EGF: variants seen among roughly 807,000 people sequenced by gnomAD.
EGF encodes the protein epidermal growth factor, also known as pro-epidermal growth factor.
EGF carries 95 observed loss-of-function variants against 143.8 expected under a neutral mutation model. The observed-to-expected ratio is 0.66, with a 90% confidence interval of 0.56 to 0.78. The LOEUF (loss-of-function observed/expected upper bound fraction) is 0.78. EGF is among the 30% of genes least tolerant of loss of function. EGF has a pLI of 0.00. For missense variants in EGF, 1,320 were observed against 1,470.9 expected, an observed-to-expected ratio of 0.90 and a Z score of 1.68; for synonymous variants, 510 against 510.5, an observed-to-expected ratio of 1.00 and a Z score of 0.01.
chr4:110,005,036 C>CTTTTTTTTTTTTTTTTTTTTTT (rs538062029), intron 22 of EGF, among the ~76,000 whole-genome samples: 2 of 80,696 alleles, frequency 2.5e-5, no homozygotes, highest in African/African-American at 4.4e-5. Flanking sequence ...TTTTCTCTGT[C>CTTTTTTTTTTTTTTTTTTTTTT]TTTTTTTTTT....
At chr4:110,007,646 A>G (rs191431531) in intron 22 of EGF, among the ~76,000 whole-genome samples, 154 of 152,298 alleles carry the variant, frequency 1.0e-3, no homozygotes, top group Admixed American at 4.6e-4. Context: ...AGGCTGTTCA[A>G]CCAGCTTGCA....
chr4:109,998,695 T>C (rs1752150102), intron 20 of EGF, among the ~76,000 whole-genome samples: 2 of 152,332 alleles, frequency 1.3e-5, no homozygotes, highest in South Asian at 4.1e-4. Flanking sequence ...TGGAGCTTTG[T>C]CCAGTGTTTT....
chr4:109,961,318 G>C (rs971956212), intron 7 of EGF, among the ~76,000 whole-genome samples: 15 of 152,228 alleles, frequency 9.9e-5, no homozygotes, highest in African/African-American at 3.6e-4. Flanking sequence ...TCAAGCCACT[G>C]CCCTTCCTGG....
chr4:109,977,338 T>C (rs1748658782), intron 13 of EGF: 1 of 152,190 alleles, frequency 6.6e-6, no homozygotes, highest in Non-Finnish European at 1.5e-5. Flanking sequence ...TTTAAAATTT[T>C]ATGTATTTAT....
At chr4:109,985,782 TC>T (rs1750035916) in intron 16 of EGF, among the ~76,000 whole-genome samples, 1 of 152,232 alleles carries the variant, frequency 6.6e-6, no homozygotes, top group Admixed American at 6.5e-5. Context: ...GCCCTATTCT[TC>T]ACCACTGTAT....
At chr4:109,973,902 T>A (rs11568987) in intron 11 of EGF, among the ~76,000 whole-genome samples, 1,624 of 152,312 alleles carry the variant, frequency 0.011, 11 homozygotes, top group Admixed American at 0.015. Context: ...GATTAGCAAG[T>A]AATATTTCAG....
At chr4:109,924,027 CA>C (rs1418593795) in intron 1 of EGF, among the ~76,000 whole-genome samples, 1 of 151,678 alleles carries the variant, frequency 6.6e-6, no homozygotes, top group Non-Finnish European at 1.5e-5. Context: ...GAATTTACTA[CA>C]AGTTTAAGCC....
intron 1 of EGF, among the ~76,000 whole-genome samples, chr4:109,925,252 C>T (rs1560631747): frequency 6.6e-6 from 1 of 152,102 alleles, no homozygotes; most frequent in African/African-American, 2.4e-5. Context: ...CCTTTGTAAA[C>T]AAATACTGCT....
intron 4 of EGF, 115 bp from the exon 5 acceptor site, chr4:109,944,958 C>A: frequency 2.8e-6 from 3 of 1,083,354 alleles, no homozygotes; most frequent in Non-Finnish European, 4.1e-6. Context: ...AAATGAGAAA[C>A]AATTGAAAAC....
chr4:109,917,406 A>C (rs1736856075), intron 1 of EGF, among the ~76,000 whole-genome samples: 2 of 152,196 alleles, frequency 1.3e-5, no homozygotes, highest in South Asian at 2.1e-4. Flanking sequence ...CTTACTTTAT[A>C]ATTTACAAAT....
rs1288621176 is a variant in EGF, at chr4:109,983,460, G to C, written c.2410G>C (p.Asp804His). 2.5e-6 allele frequency: 4 copies of C among 1,613,584 alleles called. No individual in the cohort carries two copies. Among genetic ancestry groups the C allele is most frequent in the African/African-American group, 1.3e-5 (1 of 74,896 alleles). ...VDLKNQVTPL[D>H]ILSKTRVSED... ...TCTAAAGAACCAAGTAACACCATTG[G>C]ACATCTTGTCCAAGACTAGAGTGTC... The change falls in exon 16 of 24, where the codon GAC becomes CAC. Residue 804 changes from aspartate to histidine, a missense_variant. Around this residue, in one of 5 missense-constraint regions of EGF, gnomAD observed 1,186 missense variants for 1,313.7 expected, o/e 0.90. Coordinates refer to ENST00000265171, the MANE Select transcript of EGF (RefSeq NM_001963.6).
intron 1 of EGF, among the ~76,000 whole-genome samples, chr4:109,937,999 C>T (rs188673102): frequency 6.6e-6 from 1 of 152,196 alleles, no homozygotes; most frequent in East Asian, 1.9e-4. Flanking sequence ...CTTGGGGTTG[C>T]TCTTCTCGAG....
intron 5 of EGF, among the ~76,000 whole-genome samples, chr4:109,957,903 C>T (rs951400301): frequency 1.3e-5 from 2 of 152,202 alleles, no homozygotes; most frequent in African/African-American, 4.8e-5. Context: ...AGGTATCTGC[C>T]CTTACGCTCA....
intron 23 of EGF, among the ~76,000 whole-genome samples, chr4:110,008,870 AG>A (rs1753656239): frequency 6.6e-6 from 1 of 152,148 alleles, no homozygotes; most frequent in Non-Finnish European, 1.5e-5. Flanking sequence ...TTTGGGTCTC[AG>A]GTTGAGTTTT....
intron 5 of EGF, among the ~76,000 whole-genome samples, chr4:109,951,148 AAATAAAAT>A (rs1220112961): frequency 1.4e-4 from 12 of 88,618 alleles, no homozygotes; most frequent in African/African-American, 6.9e-4. Flanking sequence ...CTCTACTAAA[AAATAAAAT>A]AAAATAAAAT....
At chr4:109,984,198 T>G (rs1749792336) in intron 16 of EGF, among the ~76,000 whole-genome samples, 2 of 152,152 alleles carry the variant, frequency 1.3e-5, no homozygotes, top group Admixed American at 1.3e-4. Flanking sequence ...CTTTGAAACA[T>G]TTTATTTGTT....
chr4:110,011,408 C>T lies in EGF; in HGVS notation c.3577C>T (p.Gln1193Ter), dbSNP rs868046095. ...HSLLSANPLW[Q>*]QRALDPPHQM... ...TCTCCTATCAGCTAACCCATTATGG[C>T]AACAAAGGGCCCTGGACCCACCACA... Residue 1193 changes from glutamine (Q) to a stop codon, truncating the protein, a stop_gained, in exon 24 of 24, where the codon CAA becomes TAA. Coordinates refer to ENST00000265171, the MANE Select transcript of EGF (RefSeq NM_001963.6). LOFTEE classifies it low-confidence loss of function (END_TRUNC). The T allele has an allele frequency of 6.2e-7, 1 of 1,614,160 alleles. No individual in the cohort carries two copies. The highest frequency in any genetic ancestry group is 1.7e-5 in the Admixed American group (1 of 60,028).
At chr4:109,940,715 A>G (rs1741780329) in intron 1 of EGF, 2 of 506,882 alleles carry the variant, frequency 3.9e-6, no homozygotes, top group South Asian at 5.2e-5. Flanking sequence ...TTCATTTTTC[A>G]TAATTTACCA....
At chr4:109,988,222 T>C (rs1339121591) in intron 17 of EGF, among the ~76,000 whole-genome samples, 1 of 150,886 alleles carries the variant, frequency 6.6e-6, no homozygotes, top group Non-Finnish European at 1.5e-5. Flanking sequence ...CCCCAGAAGC[T>C]TAGGTCATAA....
Sources: allele counts gnomAD v4.1 joint callset (sites outside exome capture counted in the v4.1 genomes callset), GRCh38; gene constraint gnomAD v4.1.1; regional missense constraint gnomAD v4.1.1; transcripts MANE v1.5; gene names NCBI Gene and HGNC (gene_info 2026-07-23, HGNC 2026-07-21).